The following MAF variants were observed in gnomAD, a reference collection of about 807,000 sequenced individuals.
The protein encoded by MAF is transcription factor Maf.
In MAF, 10 loss-of-function variants were observed where a neutral mutation model predicts 22.0. The ratio of observed to expected loss-of-function variants is 0.45; its 90% CI spans 0.28 to 0.77. The LOEUF (loss-of-function observed/expected upper bound fraction) is 0.77, where lower values mean the gene tolerates loss of function less well. MAF is among the 30% of genes least tolerant of loss of function. The pLI, the probability that MAF is intolerant of heterozygous loss-of-function variation, is 0.12. For missense variants in MAF, 544 were observed against 548.4 expected (o/e 0.99, Z 0.08); for synonymous variants, 337 against 255.8 (o/e 1.32, Z -3.03).
the MAF span, among the ~76,000 whole-genome samples, chr16:79,463,115 A>G: frequency 8.5e-5 from 13 of 152,352 alleles, no homozygotes; most frequent in South Asian, 2.7e-3. Flanking sequence ...AAGGAAAAGC[A>G]AATGCAAAGG....
chr16:79,399,340 A>G, the MAF span, among the ~76,000 whole-genome samples: 8 of 152,182 alleles, frequency 5.3e-5, no homozygotes, highest in Admixed American at 2.6e-4. Context: ...TTATTATATC[A>G]TCATCATCAT....
chr16:79,211,843 C>A, the MAF span: 3 of 1,611,076 alleles, frequency 1.9e-6, no homozygotes, highest in South Asian at 1.1e-5. Context: ...TGTGTGTGTC[C>A]CCTCACGCAA....
chr16:79,351,047 G>C, the MAF span, among the ~76,000 whole-genome samples: 51 of 152,138 alleles, frequency 3.4e-4, no homozygotes, highest in Non-Finnish European at 6.8e-4. Context: ...TCCCGGGGAA[G>C]CCTGATCCTT....
At chr16:79,225,315 A>G in the MAF span, among the ~76,000 whole-genome samples, 2 of 152,234 alleles carry the variant, frequency 1.3e-5, no homozygotes, top group Admixed American at 1.3e-4. Context: ...CCATATGCAG[A>G]AAACAGAAAC....
At chr16:79,364,759 T>C in the MAF span, among the ~76,000 whole-genome samples, 8,587 of 152,286 alleles carry the variant, frequency 0.056, 565 homozygotes, top group African/African-American at 0.16. Flanking sequence ...GGCAGGGTCC[T>C]ATGCCTGTGG....
chr16:79,280,270 C>A, the MAF span, among the ~76,000 whole-genome samples: 1 of 152,242 alleles, frequency 6.6e-6, no homozygotes, highest in African/African-American at 2.4e-5. Flanking sequence ...GTGTAAATGC[C>A]GGGAGAAGAG....
chr16:79,340,093 C>A, the MAF span, among the ~76,000 whole-genome samples: 3 of 152,086 alleles, frequency 2.0e-5, no homozygotes, highest in Non-Finnish European at 4.4e-5. Flanking sequence ...CAAATTACTA[C>A]GGGGAACTCT....
At chr16:79,217,518 G>C in the MAF span, among the ~76,000 whole-genome samples, 3 of 152,164 alleles carry the variant, frequency 2.0e-5, no homozygotes, top group African/African-American at 4.8e-5. Context: ...CTTCAGCCTT[G>C]CCTACATTTC....
the MAF span, among the ~76,000 whole-genome samples, chr16:79,313,084 G>A: frequency 5.3e-5 from 8 of 152,154 alleles, no homozygotes; most frequent in Middle Eastern, 3.4e-3. Context: ...TCTGCGCCTC[G>A]GTTTCTTCGT....
At chr16:79,226,417 T>C in the MAF span, among the ~76,000 whole-genome samples, 15 of 151,996 alleles carry the variant, frequency 9.9e-5, no homozygotes, top group African/African-American at 2.9e-4. Context: ...TTAGGAGACA[T>C]ACCTAATGTA....
the MAF span, among the ~76,000 whole-genome samples, chr16:79,410,044 G>A: frequency 6.6e-6 from 1 of 152,180 alleles, no homozygotes; most frequent in Non-Finnish European, 1.5e-5. Flanking sequence ...ACCTAACTTA[G>A]GAGTATGCAC....
At chr16:79,315,723 G>T in the MAF span, among the ~76,000 whole-genome samples, 5 of 152,218 alleles carry the variant, frequency 3.3e-5, no homozygotes, top group Non-Finnish European at 7.3e-5. Context: ...GATGAAGAAG[G>T]TGAGGGGCAG....
chr16:79,321,967 C>T, the MAF span, among the ~76,000 whole-genome samples: 9 of 152,254 alleles, frequency 5.9e-5, no homozygotes, highest in South Asian at 4.1e-4. Flanking sequence ...CACGGTGGCT[C>T]ACACCTGTAG....
At chr16:79,576,315 A>C in the MAF span, among the ~76,000 whole-genome samples, 1 of 151,102 alleles carries the variant, frequency 6.6e-6, no homozygotes, top group Non-Finnish European at 1.5e-5. Flanking sequence ...TGTGAATTCC[A>C]TCAGGCGATT....
chr16:79,251,228 C>A, the MAF span, among the ~76,000 whole-genome samples: 1 of 151,954 alleles, frequency 6.6e-6, no homozygotes, highest in Non-Finnish European at 1.5e-5. Context: ...CCGCTGATTG[C>A]GCATTTGATG....
chr16:79,230,742 G>C, the MAF span, among the ~76,000 whole-genome samples: 12 of 152,062 alleles, frequency 7.9e-5, no homozygotes, highest in African/African-American at 2.7e-4. Flanking sequence ...GCTTTCTGAA[G>C]CTAACATTCT....
At chr16:79,290,596 G>C in the MAF span, among the ~76,000 whole-genome samples, 1 of 150,098 alleles carries the variant, frequency 6.7e-6, no homozygotes, top group Non-Finnish European at 1.5e-5. Flanking sequence ...GTAAAACAGA[G>C]TAAAAGTCAC....
At chr16:79,463,834 G>C in the MAF span, among the ~76,000 whole-genome samples, 1 of 151,782 alleles carries the variant, frequency 6.6e-6, no homozygotes, top group African/African-American at 2.4e-5. Context: ...GTGAAACATG[G>C]CTTCTTTCTA....
At chr16:79,474,365 C>T in the MAF span, among the ~76,000 whole-genome samples, 3 of 152,190 alleles carry the variant, frequency 2.0e-5, no homozygotes, top group East Asian at 1.9e-4. Context: ...CTTGATGAAT[C>T]CACATATTTC....
Sources: gnomAD v4.1 joint callset for allele counts (sites outside exome capture counted in the v4.1 genomes callset) on GRCh38, gnomAD v4.1.1 for gene constraint, MANE v1.5 for transcripts, NCBI Gene and HGNC (gene_info 2026-07-23, HGNC 2026-07-21) for gene names.